The following ATRNL1 variants were observed in gnomAD, a reference collection of about 807,000 sequenced individuals.
ATRNL1 encodes the protein attractin like 1.
A neutral mutation model predicts 182.7 loss-of-function variants in ATRNL1; 95 were observed. The ratio of observed to expected loss-of-function variants is 0.52; its 90% CI spans 0.44 to 0.62. ATRNL1 has a LOEUF of 0.62. Ranked by LOEUF, ATRNL1 falls within the 20% of genes least tolerant of loss-of-function variation. The pLI is 0.00. For synonymous variants in ATRNL1, 576 were observed against 568.3 expected, an observed-to-expected ratio of 1.01 and a Z score of -0.19; for missense variants, 1,471 against 1,679.5, an observed-to-expected ratio of 0.88 and a Z score of 2.17.
At chr10:115,922,553 A>G (rs776536455) in intron 28 of ATRNL1, among the ~76,000 whole-genome samples, 14 of 152,088 alleles carry the variant, frequency 9.2e-5, no homozygotes, top group Admixed American at 7.2e-4. Context: ...TGCAGCCTCA[A>G]ACTCTGGGCT....
In ATRNL1 at chr10:115,728,547, G is replaced by A. The variant is rs182915559; in HGVS notation, c.3903+1192G>A. 5.8e-4 allele frequency among the ~76,000 whole-genome samples: 88 copies of A among 151,862 alleles called. 1 individual carries two copies. Among genetic ancestry groups the A allele is most frequent in the African/African-American group, 1.9e-3 (80 of 41,416 alleles). ...ATTTTCAGATTTTACTTTTTGTCAAGGAAAATAAAGAATGGAAAAATAGAA... is the reference window on the plus strand; with the variant it reads ...ATTTTCAGATTTTACTTTTTGTCAAAGAAAATAAAGAATGGAAAAATAGAA... On this transcript the variant is annotated intron_variant, in intron 27 of 28. Transcript: ENST00000355044.
chr10:115,447,899 T>C (rs1554966944), intron 21 of ATRNL1, among the ~76,000 whole-genome samples: 1 of 151,974 alleles, frequency 6.6e-6, no homozygotes, highest in African/African-American at 2.4e-5. Flanking sequence ...TCACCAACAT[T>C]TTATGTTTTT....
intron 25 of ATRNL1, among the ~76,000 whole-genome samples, chr10:115,532,322 T>G (rs558399988): frequency 6.6e-6 from 1 of 152,310 alleles, no homozygotes; most frequent in African/African-American, 2.4e-5. Flanking sequence ...TGGTTTGTAG[T>G]TCTCCTTGAA....
chr10:115,605,955 AC>A (rs1856851460), intron 26 of ATRNL1, among the ~76,000 whole-genome samples: 1 of 152,052 alleles, frequency 6.6e-6, no homozygotes. Context: ...GATGATCTTT[AC>A]TATATCAGTA....
chr10:115,550,277 A>T (rs1852892315), intron 26 of ATRNL1, among the ~76,000 whole-genome samples: 1 of 151,808 alleles, frequency 6.6e-6, no homozygotes, highest in South Asian at 2.1e-4. Flanking sequence ...ATTCTATTGT[A>T]TTAATCTTAA....
intron 14 of ATRNL1, among the ~76,000 whole-genome samples, chr10:115,285,344 G>A (rs1852557482): frequency 6.6e-6 from 1 of 152,018 alleles, no homozygotes; most frequent in Non-Finnish European, 1.5e-5. Context: ...AAAAATTTGA[G>A]AACAGCTGCT....
At chr10:115,445,506 C>CATGTGT (rs880000224) in intron 21 of ATRNL1, among the ~76,000 whole-genome samples, 14 of 119,272 alleles carry the variant, frequency 1.2e-4, no homozygotes, top group African/African-American at 4.3e-4. Context: ...CTCATTTGTC[C>CATGTGT]GTGTGTGTGT....
chr10:115,470,255 T>C (rs10160163), intron 24 of ATRNL1, among the ~76,000 whole-genome samples: 2,833 of 150,578 alleles, frequency 0.019, 81 homozygotes, highest in African/African-American at 0.065. Context: ...TTAAGGTTGA[T>C]GTAACACTTA....
At position 115,747,513 on chromosome 10, in the gene ATRNL1, A is replaced by C. The variant is rs180735640; in HGVS notation, c.3903+20158A>C. Among the ~76,000 whole-genome samples, 536 of 152,242 alleles carry C rather than the reference A, an allele frequency of 3.5e-3. 1 individual carries two copies. Among genetic ancestry groups the C allele is most frequent in the Non-Finnish European group, 4.6e-3 (311 of 67,986 alleles). ...TTCAGGAGGCTGACTTTAACCAAGG[A>C]ATATGTAATGAATAGAACCCAAATA... is the stretch of plus-strand genomic sequence containing the variant. On this transcript the variant is annotated intron_variant, in intron 27 of 28. Transcript: ENST00000355044.
chr10:115,138,139 G>A (rs1362812487), intron 5 of ATRNL1, among the ~76,000 whole-genome samples: 2 of 152,202 alleles, frequency 1.3e-5, no homozygotes, highest in East Asian at 1.9e-4. Flanking sequence ...CAAGAGGTGG[G>A]CTCCCATGGT....
chr10:115,760,173 C>CAA (rs35906523), intron 27 of ATRNL1, among the ~76,000 whole-genome samples: 86 of 148,950 alleles, frequency 5.8e-4, no homozygotes, highest in Non-Finnish European at 9.2e-4. Context: ...CTCCCCTTTC[C>CAA]AAAAAAAAAG....
chr10:115,721,215 C>T (rs1210328689), intron 26 of ATRNL1, among the ~76,000 whole-genome samples: 1 of 152,086 alleles, frequency 6.6e-6, no homozygotes, highest in Non-Finnish European at 1.5e-5. Flanking sequence ...TCAGTGTTAT[C>T]CAGGTGACAA....
At chr10:115,810,640 G>T (rs1950026195) in intron 27 of ATRNL1, among the ~76,000 whole-genome samples, 1 of 151,778 alleles carries the variant, frequency 6.6e-6, no homozygotes, top group African/African-American at 2.4e-5. Context: ...GTTTATACAT[G>T]TGAATATATA....
At chr10:115,160,526 CACTT>C (rs1846735147) in intron 6 of ATRNL1, among the ~76,000 whole-genome samples, 132 of 9,976 alleles carry the variant, frequency 0.013, no homozygotes, top group African/African-American at 0.05. Context: ...GAATTCATGC[CACTT>C]TTTTTTTTTA....
At chr10:115,514,085 G>A (rs1374982013) in intron 24 of ATRNL1, among the ~76,000 whole-genome samples, 1 of 151,926 alleles carries the variant, frequency 6.6e-6, no homozygotes, top group Non-Finnish European at 1.5e-5. Context: ...TAAAAGGTAG[G>A]AGAGTATTAT....
At chr10:115,273,019 A>G (rs538067993) in intron 13 of ATRNL1, among the ~76,000 whole-genome samples, 35 of 152,328 alleles carry the variant, frequency 2.3e-4, no homozygotes, top group African/African-American at 8.2e-4. Flanking sequence ...AGTAAAAACA[A>G]AATGCTTCCC....
At chr10:115,532,797 C>T (rs1554988777) in intron 25 of ATRNL1, among the ~76,000 whole-genome samples, 1 of 151,896 alleles carries the variant, frequency 6.6e-6, no homozygotes, top group East Asian at 1.9e-4. Context: ...TGAGATACAT[C>T]CCATCAATAC....
Position 115,620,686 on chromosome 10 carries a change from A to G in ATRNL1, c.3795+71150A>G, listed in dbSNP as rs1281737815. Among the ~76,000 whole-genome samples, 5 of 152,240 alleles carry G rather than the reference A, an allele frequency of 3.3e-5. No homozygotes were observed. In the East Asian group the frequency reaches 7.7e-4, roughly 23 times the overall value. Reference sequence around the variant, plus strand: ...TTAACAGTCTTAAGTATTAAATTATATGAGTTCTCATTTATTAAAACCAAT... The same window carrying G: ...TTAACAGTCTTAAGTATTAAATTATGTGAGTTCTCATTTATTAAAACCAAT... On this transcript the variant is annotated intron_variant, in intron 26 of 28. Coordinates refer to ENST00000355044, the MANE Select transcript of ATRNL1 (RefSeq NM_207303.4).
At chr10:115,914,298 A>G (rs889446960) in intron 28 of ATRNL1, among the ~76,000 whole-genome samples, 16 of 152,168 alleles carry the variant, frequency 1.1e-4, no homozygotes, top group Admixed American at 4.6e-4. Context: ...AAATGACCTA[A>G]TACAGGTGGT....
Sources: allele counts gnomAD v4.1 joint callset (sites outside exome capture counted in the v4.1 genomes callset), GRCh38; gene constraint gnomAD v4.1.1; transcripts MANE v1.5; gene names NCBI Gene and HGNC (gene_info 2026-07-23, HGNC 2026-07-21).